EXOC5: variants seen among roughly 807,000 people sequenced by gnomAD.
The protein encoded by EXOC5 is exocyst complex component 5, also known as SEC10-like 1.
A neutral mutation model predicts 90.8 loss-of-function variants in EXOC5; 17 were observed. The ratio of observed to expected loss-of-function variants is 0.19; its 90% confidence interval spans 0.13 to 0.28. EXOC5 has a LOEUF of 0.28. Among genes scored for constraint, EXOC5 ranks in the 10% least tolerant of loss-of-function variants. EXOC5 has a pLI of 1.00. For missense variants in EXOC5, 569 were observed against 830.6 expected (o/e 0.69, Z 3.87); for synonymous variants, 260 against 270.0 (o/e 0.96, Z 0.36).
intron 5 of EXOC5, among the ~76,000 whole-genome samples, chr14:57,238,213 C>T (rs954590078): frequency 1.8e-4 from 13 of 70,398 alleles, no homozygotes; most frequent in African/African-American, 9.9e-4. Context: ...TATTCAACTC[C>T]ACATATATAT....
At chr14:57,254,962 G>A (rs942563421) in intron 1 of EXOC5, among the ~76,000 whole-genome samples, 3 of 152,194 alleles carry the variant, frequency 2.0e-5, no homozygotes, top group South Asian at 2.1e-4. Context: ...ATGGAAGCCT[G>A]AGCTGACTAA....
intron 15 of EXOC5, chr14:57,211,853 A>C (rs1423381129): frequency 6.6e-6 from 1 of 152,186 alleles, no homozygotes; most frequent in Non-Finnish European, 1.5e-5. Context: ...GCCTGGGGCA[A>C]GACTCTGTCT....
Position 57,200,566 on chromosome 14 carries a change from T to C in EXOC5, c.*8043A>G, listed in dbSNP as rs1882471864. The C allele has an allele frequency of 6.6e-6, 1 of 152,148 alleles. No homozygotes were observed. Among genetic ancestry groups the C allele is most frequent in the Non-Finnish European group, 1.5e-5 (1 of 68,026 alleles). The allele number at this position is 152,148 out of a possible 1,614,324, so 9.4% of individuals were successfully genotyped here. The stretch of plus-strand genomic sequence containing the variant: ...CCTATTGGTATTCAGTGCTTAATGG[T>C]CAGGTTTCCATTCATACAGTTTCTC... On this transcript the variant is annotated 3_prime_UTR_variant, in exon 18 of 18. Coordinates refer to ENST00000621441, the MANE Select transcript of EXOC5 (RefSeq NM_006544.4).
rs926027284 is a variant in EXOC5, at chr14:57,229,845, G to C, written c.1185C>G (p.Thr395=). ...QDLKERIRQR[T]NLPLGPSIDT... is the part of the protein sequence containing the mutation. Reference sequence around the variant, plus strand: ...CGATACTTGGCCCAAGTGGTAAGTTGGTACGCTGTCTAATTCTTTCCTTCA... The same window carrying C: ...CGATACTTGGCCCAAGTGGTAAGTTCGTACGCTGTCTAATTCTTTCCTTCA... Residue 395 remains threonine (T), a synonymous_variant, in exon 12 of 18, where the codon ACC becomes ACG. Transcript: ENST00000621441. The C allele has an allele frequency of 1.3e-6, 2 of 1,510,492 alleles. No homozygotes were observed. The highest frequency in any genetic ancestry group is 1.8e-6 in the Non-Finnish European group (2 of 1,118,256). 93.6% of individuals were successfully genotyped at this position (1,510,492 alleles called of 1,614,324 possible). A position where few individuals can be genotyped will look rare whatever the true frequency, so the allele number is the denominator to read the frequency against.
chr14:57,231,423 G>C (rs1299517515), intron 11 of EXOC5, 83 bp downstream of exon 11: 8 of 846,908 alleles, frequency 9.4e-6, no homozygotes, highest in Non-Finnish European at 1.5e-5. Flanking sequence ...TCTAATGATA[G>C]TCAACATTTG....
In EXOC5 at chr14:57,206,748, T is replaced by C. The variant is rs922354857; in HGVS notation, c.*1861A>G. ...ACAAAATAACTAAGCAACAAGTATA[T>C]GCTTTACATTTTAAAAATTAATCCA... On this transcript the variant is annotated 3_prime_UTR_variant, in exon 18 of 18. Transcript: ENST00000621441. 2.6e-5 allele frequency: 4 copies of C among 152,460 alleles called. No homozygotes were observed. Among genetic ancestry groups the C allele is most frequent in the African/African-American group, 7.2e-5 (3 of 41,428 alleles). The allele number at this position is 152,460 out of a possible 1,614,324, so 9.4% of individuals were successfully genotyped here.
At chr14:57,241,522 C>T (rs1883857635) in intron 4 of EXOC5, among the ~76,000 whole-genome samples, 1 of 152,200 alleles carries the variant, frequency 6.6e-6, no homozygotes, top group Admixed American at 6.5e-5. Context: ...AAGTCATCAT[C>T]ATCATTGTGC....
intron 7 of EXOC5, 46 bp from the exon 8 acceptor site, chr14:57,234,078 AATT>A: frequency 7.2e-7 from 1 of 1,383,326 alleles, no homozygotes; most frequent in South Asian, 1.2e-5. Flanking sequence ...CAATTATAAT[AATT>A]ATTATTTCAA....
Position 57,203,541 on chromosome 14 carries a change from C to G in EXOC5, c.*5068G>C, listed in dbSNP as rs1385028275. On this transcript the variant is annotated 3_prime_UTR_variant, in exon 18 of 18. Coordinates refer to ENST00000621441, the MANE Select transcript of EXOC5 (RefSeq NM_006544.4). The stretch of plus-strand genomic sequence containing the variant: ...CCAGTGGTGAAAACAAAGAAAGTCA[C>G]TCATTGGAACTATAAATGAAACTTA... 3.3e-5 allele frequency: 5 copies of G among 152,622 alleles called. No individual in the cohort carries two copies. The highest frequency in any genetic ancestry group is 7.3e-5 in the Non-Finnish European group (5 of 68,042). 9.5% of individuals were successfully genotyped at this position (152,622 alleles called of 1,614,324 possible). A position where few individuals can be genotyped will look rare whatever the true frequency, so the allele number is the denominator to read the frequency against.
rs1882612080 is a variant in EXOC5, at chr14:57,205,147, C to T, written c.*3462G>A. On this transcript the variant is annotated 3_prime_UTR_variant, in exon 18 of 18. Coordinates refer to ENST00000621441, the MANE Select transcript of EXOC5 (RefSeq NM_006544.4). ...AATATGTGCAAAGGACTTATTAGCA[C>T]AGTGTGTGAGACTTAAATCAATACA... 6.6e-6 allele frequency: 1 copy of T among 151,972 alleles called. No homozygotes were observed. Among genetic ancestry groups the T allele is most frequent in the Non-Finnish European group, 1.5e-5 (1 of 67,906 alleles). The allele number at this position is 151,972 out of a possible 1,614,324, so 9.4% of individuals were successfully genotyped here.
At chr14:57,240,077 C>T (rs1883811227) in intron 4 of EXOC5, among the ~76,000 whole-genome samples, 1 of 152,128 alleles carries the variant, frequency 6.6e-6, no homozygotes, top group Non-Finnish European at 1.5e-5. Context: ...CACATATATC[C>T]TACTGTAAGT....
In EXOC5 at chr14:57,207,321, TAA is replaced by T. The variant is rs1882687440; in HGVS notation, c.*1286_*1287del. On this transcript the variant is annotated 3_prime_UTR_variant, in exon 18 of 18. Coordinates refer to ENST00000621441, the MANE Select transcript of EXOC5 (RefSeq NM_006544.4). ...AAATGCCAAGAGTGAATTGAATACT[TAA>T]GTTTATCTGTTCCTAGAAGACTATG... 1 of 152,490 alleles carries T rather than the reference TAA, an allele frequency of 6.6e-6. No individual in the cohort carries two copies. Among genetic ancestry groups the T allele is most frequent in the Non-Finnish European group, 1.5e-5 (1 of 67,952 alleles). The allele number at this position is 152,490 out of a possible 1,614,324, so 9.4% of individuals were successfully genotyped here.
At chr14:57,218,225 C>A (rs1232034873) in intron 14 of EXOC5, among the ~76,000 whole-genome samples, 157 bp from the exon 15 acceptor site, 2 of 151,854 alleles carry the variant, frequency 1.3e-5, no homozygotes, top group African/African-American at 4.8e-5. Flanking sequence ...ATATAAGAAG[C>A]AAAGTAATTA....
chr14:57,259,346 G>A (rs1035687688), intron 1 of EXOC5, among the ~76,000 whole-genome samples: 7 of 152,068 alleles, frequency 4.6e-5, no homozygotes, highest in Non-Finnish European at 8.8e-5. Context: ...TGATCTGCCC[G>A]CCTCAGTCTC....
intron 1 of EXOC5, among the ~76,000 whole-genome samples, chr14:57,265,260 G>A (rs1461306280): frequency 6.6e-6 from 1 of 151,552 alleles, no homozygotes. Context: ...AATATCTGTA[G>A]AATGAATGAA....
chr14:57,265,495 G>A (rs1176145781), intron 1 of EXOC5, among the ~76,000 whole-genome samples: 1 of 152,134 alleles, frequency 6.6e-6, no homozygotes, highest in Non-Finnish European at 1.5e-5. Context: ...GGCCAAGGTG[G>A]GCAGATTGTT....
chr14:57,249,389 T>C (rs749398213), intron 1 of EXOC5, among the ~76,000 whole-genome samples: 50 of 151,912 alleles, frequency 3.3e-4, no homozygotes, highest in Non-Finnish European at 6.2e-4. Flanking sequence ...TAAGTAATCA[T>C]AGTTTTCAAT....
intron 12 of EXOC5, among the ~76,000 whole-genome samples, chr14:57,222,834 G>C (rs904167330): frequency 2.7e-5 from 4 of 150,652 alleles, no homozygotes; most frequent in Non-Finnish European, 5.9e-5. Flanking sequence ...GGGCTAACAT[G>C]TAAAATGCAT....
intron 1 of EXOC5, among the ~76,000 whole-genome samples, chr14:57,268,065 C>CA (rs1327311059): frequency 0.023 from 3,178 of 138,464 alleles, 31 homozygotes; most frequent in African/African-American, 0.035. Context: ...CTTTATTGTC[C>CA]AAAAAAAAAA....
Sources: gnomAD v4.1 joint callset for allele counts (sites outside exome capture counted in the v4.1 genomes callset) on GRCh38, gnomAD v4.1.1 for gene constraint, MANE v1.5 for transcripts, NCBI Gene and HGNC (gene_info 2026-07-23, HGNC 2026-07-21) for gene names.